Variants in SSH2 observed in about 807,000 individuals in gnomAD.
The protein encoded by SSH2 is slingshot protein phosphatase 2, also known as protein phosphatase Slingshot homolog 2.
SSH2 carries 37 observed loss-of-function variants against 135.2 expected under a neutral mutation model. The observed-to-expected ratio is 0.27, with a 90% CI of 0.21 to 0.36. The LOEUF is 0.36. Among genes scored for constraint, SSH2 ranks in the 10% least tolerant of loss-of-function variants. SSH2 has a pLI of 1.00. For missense variants in SSH2, 1,408 were observed against 1,765.3 expected (o/e 0.80, Z 3.63); for synonymous variants, 628 against 646.2 (o/e 0.97, Z 0.43).
Position 29,770,961 on chromosome 17 carries a change from G to C in SSH2, c.188+22933C>G, listed in dbSNP as rs572424051. ...CTAATTAAAATCCTGTGTAGGTAAGGAGAGCTAGCTAGGATTATCAGCTTT... is the reference window on the plus strand; with the variant it reads ...CTAATTAAAATCCTGTGTAGGTAAGCAGAGCTAGCTAGGATTATCAGCTTT... On this transcript the variant is annotated intron_variant, in intron 3 of 15. Transcript: ENST00000540801. Among the ~76,000 whole-genome samples the C allele has an allele frequency of 1.9e-4, 29 of 152,248 alleles. No homozygotes were observed. In the South Asian group the frequency reaches 5.6e-3, roughly 29 times the overall value.
intron 1 of SSH2, among the ~76,000 whole-genome samples, chr17:29,889,837 G>A (rs1373039652): frequency 6.8e-6 from 1 of 148,034 alleles, no homozygotes; most frequent in African/African-American, 2.5e-5. Flanking sequence ...AACCAGCCAG[G>A]TATGAGATCA....
At position 29,631,327 on chromosome 17, in the gene SSH2, T is replaced by C. The variant is rs1315893801; in HGVS notation, c.3867A>G (p.Lys1289=). The change falls in exon 16 of 16, where the codon AAA becomes AAG. Residue 1289 remains lysine (K), a synonymous_variant. Transcript: ENST00000540801. The part of the protein sequence containing the change: ...SQMRRSASLA[K]LGYLDLCKDC... ...CTTTACAGAGGTCCAAGTAACCTAA[T>C]TTGGCGAGAGAAGCTGAGCGCCTCA... 1 of 1,614,142 alleles carries C rather than the reference T, an allele frequency of 6.2e-7. No individual in the cohort carries two copies. Among genetic ancestry groups the C allele is most frequent in the Non-Finnish European group, 8.5e-7 (1 of 1,180,014 alleles).
chr17:29,873,345 G>A (rs1440847297), intron 1 of SSH2, among the ~76,000 whole-genome samples: 1 of 151,960 alleles, frequency 6.6e-6, no homozygotes, highest in Admixed American at 6.6e-5. Context: ...GATCACCTGA[G>A]GTCAGGAGTT....
intron 3 of SSH2, among the ~76,000 whole-genome samples, chr17:29,705,192 T>C (rs1206648277): frequency 6.6e-6 from 1 of 152,206 alleles, no homozygotes; most frequent in Non-Finnish European, 1.5e-5. Flanking sequence ...CAAATATATC[T>C]TGAACCTGCC....
intron 1 of SSH2, among the ~76,000 whole-genome samples, chr17:29,919,372 A>C (rs2066935239): frequency 6.6e-6 from 1 of 152,204 alleles, no homozygotes; most frequent in Non-Finnish European, 1.5e-5. Context: ...TCTTTCAGGA[A>C]GTCTAGGGAA....
chr17:29,886,642 G>T (rs956812135), intron 1 of SSH2, among the ~76,000 whole-genome samples: 5 of 151,672 alleles, frequency 3.3e-5, no homozygotes, highest in Non-Finnish European at 7.4e-5. Context: ...AACTACTCGG[G>T]AGGCTGAGAC....
intron 4 of SSH2, among the ~76,000 whole-genome samples, chr17:29,702,257 G>A (rs1453521042): frequency 6.6e-6 from 1 of 151,986 alleles, no homozygotes; most frequent in Non-Finnish European, 1.5e-5. Context: ...GGAGGTTGAG[G>A]CAGGAGAATT....
chr17:29,873,919 C>T lies in SSH2; in HGVS notation c.64-24990G>A, dbSNP rs75290468. ...TTCCTCCACCTTCTACATTTATTTT[C>T]CCTTGAGAGGGAAGTGTTCAAAATA... On this transcript the variant is annotated intron_variant, in intron 1 of 15. Coordinates refer to ENST00000540801, the MANE Select transcript of SSH2 (RefSeq NM_001282129.2). Among the ~76,000 whole-genome samples the T allele has an allele frequency of 9.9e-3, 1,506 of 152,272 alleles. 24 individuals are homozygous for T. Among genetic ancestry groups the T allele is most frequent in the African/African-American group, 0.034 (1,431 of 41,544 alleles).
At chr17:29,911,239 C>T (rs770376802) in intron 1 of SSH2, among the ~76,000 whole-genome samples, 3 of 151,984 alleles carry the variant, frequency 2.0e-5, no homozygotes, top group Non-Finnish European at 4.4e-5. Flanking sequence ...CCATTCCACT[C>T]AACAAGTGTA....
In SSH2 at chr17:29,648,136, T is replaced by G; in HGVS notation, c.1427+8A>C. 6.2e-7 allele frequency: 1 copy of G among 1,613,278 alleles called. No homozygotes were observed. The highest frequency in any genetic ancestry group is 8.5e-7 in the Non-Finnish European group (1 of 1,179,906). On this transcript the variant is annotated splice_region_variant and intron_variant, in intron 14 of 15. Transcript: ENST00000540801. ...AGGAGGGAGAATTGGAGAAAGTCACTGACTCACCTTGCCAGCAAGATCCCC... is the reference window on the plus strand; with the variant it reads ...AGGAGGGAGAATTGGAGAAAGTCACGGACTCACCTTGCCAGCAAGATCCCC...
intron 3 of SSH2, among the ~76,000 whole-genome samples, chr17:29,745,880 T>A (rs987679363): frequency 3.3e-5 from 5 of 152,190 alleles, no homozygotes; most frequent in Admixed American, 3.3e-4. Context: ...AGATAATAAA[T>A]GATGAACTCT....
chr17:29,655,096 G>A (rs1024075731), intron 12 of SSH2, among the ~76,000 whole-genome samples: 8 of 152,004 alleles, frequency 5.3e-5, no homozygotes, highest in African/African-American at 1.9e-4. Context: ...AGGGAGAATA[G>A]CTGTTTTTCT....
chr17:29,728,321 A>C (rs1009266884), intron 3 of SSH2, among the ~76,000 whole-genome samples: 1 of 152,222 alleles, frequency 6.6e-6, no homozygotes, highest in East Asian at 1.9e-4. Flanking sequence ...TCACACATAA[A>C]ATTAAATACC....
At chr17:29,670,906 T>C (rs2037466376) in intron 9 of SSH2, among the ~76,000 whole-genome samples, 1 of 152,236 alleles carries the variant, frequency 6.6e-6, no homozygotes, top group African/African-American at 2.4e-5. Flanking sequence ...TTCCCTGCTG[T>C]AGAATACCTT....
rs117436161 is a variant in SSH2, at chr17:29,875,747, G to A, written c.64-26818C>T. ...ATGCCAAACTCTCTCCCACCTTGGG[G>A]CTTTGAATATGCCTTTTGTTTAAAT... On this transcript the variant is annotated intron_variant, in intron 1 of 15. Transcript: ENST00000540801. Among the ~76,000 whole-genome samples, 14 of 152,130 alleles carry A rather than the reference G, an allele frequency of 9.2e-5. No homozygotes were observed. The East Asian group carries it at 2.3e-3, about 25-fold the overall frequency.
intron 3 of SSH2, among the ~76,000 whole-genome samples, chr17:29,723,880 T>C (rs2039901084): frequency 6.6e-6 from 1 of 152,214 alleles, no homozygotes; most frequent in Non-Finnish European, 1.5e-5. Flanking sequence ...TCTGGTGTTC[T>C]GTCTTGAACT....
In SSH2 at chr17:29,791,972, G is replaced by A. The variant is rs533407410; in HGVS notation, c.188+1922C>T. Among the ~76,000 whole-genome samples, 6 of 149,280 alleles carry A rather than the reference G, an allele frequency of 4.0e-5. No homozygotes were observed. The East Asian group carries it at 1.2e-3, about 29-fold the overall frequency. The stretch of plus-strand genomic sequence containing the variant: ...GAGTCTCACTTTGTTGCCCAGACTG[G>A]AGTGCAGTTGTGTGGTCTCTGCTCA... On this transcript the variant is annotated intron_variant, in intron 3 of 15. Transcript: ENST00000540801.
At chr17:29,794,426 G>C (rs372986931) in intron 2 of SSH2, among the ~76,000 whole-genome samples, 3 of 152,212 alleles carry the variant, frequency 2.0e-5, no homozygotes, top group East Asian at 3.9e-4. Context: ...TACTTACAAT[G>C]TGCTAGGCAC....
chr17:29,836,868 C>G (rs1025295788), intron 2 of SSH2, among the ~76,000 whole-genome samples: 1 of 152,138 alleles, frequency 6.6e-6, no homozygotes, highest in African/African-American at 2.4e-5. Context: ...TTGTCTTAAC[C>G]GGGGTCATCC....
Sources: gnomAD v4.1 joint callset for allele counts (sites outside exome capture counted in the v4.1 genomes callset) on GRCh38, gnomAD v4.1.1 for gene constraint, MANE v1.5 for transcripts, NCBI Gene and HGNC (gene_info 2026-07-23, HGNC 2026-07-21) for gene names.